CTBP2: variants seen among roughly 807,000 people sequenced by gnomAD.
CTBP2 encodes C-terminal-binding protein 2.
CTBP2 carries 30 observed loss-of-function variants against 80.3 expected under a neutral mutation model. That is an observed-to-expected ratio of 0.37 (90% confidence interval 0.28 to 0.51). The LOEUF is 0.51. Ranked by LOEUF, CTBP2 falls within the 20% of genes least tolerant of loss-of-function variation. The pLI is 0.93. For synonymous variants in CTBP2, 594 were observed against 587.4 expected (o/e 1.01, Z -0.16); for missense variants, 1,212 against 1,375.3 (o/e 0.88, Z 1.88).
intron 2 of CTBP2, chr10:125,088,278 T>G (rs1295666038): frequency 6.6e-6 from 1 of 152,188 alleles, no homozygotes; most frequent in Non-Finnish European, 1.5e-5. Context: ...ACCAGGATAG[T>G]GGAAGGAAGT....
At chr10:125,046,074 A>G (rs949368536) in intron 2 of CTBP2, among the ~76,000 whole-genome samples, 3 of 152,086 alleles carry the variant, frequency 2.0e-5, no homozygotes, top group Non-Finnish European at 4.4e-5. Flanking sequence ...GGGTTTAAAA[A>G]AAAAATACAT....
rs797010536 is a variant in CTBP2, at chr10:125,003,470, G to A, written c.1701C>T (p.Asn567=). 4.5e-6 allele frequency: 7 copies of A among 1,571,276 alleles called. No homozygotes were observed. Among genetic ancestry groups the A allele is most frequent in the South Asian group, 2.3e-5 (2 of 85,994 alleles). ...CCAGGGGGCGGGGGTGCAGGGGGCCGTTCATGATCTGGGGGCGGATACCTG... is the reference window on the plus strand; with the variant it reads ...CCAGGGGGCGGGGGTGCAGGGGGCCATTCATGATCTGGGGGCGGATACCTG... The change falls in exon 2 of 9, where the codon AAC becomes AAT. Residue 567 remains asparagine (N), a synonymous_variant. Coordinates refer to ENST00000309035, the MANE Select transcript of CTBP2 (RefSeq NM_022802.3).
At chr10:125,038,930 A>T (rs890710056) in intron 3 of CTBP2, 67 bp downstream of exon 3, 2 of 1,517,066 alleles carry the variant, frequency 1.3e-6, no homozygotes, top group African/African-American at 2.7e-5. Flanking sequence ...AACTCAAGGG[A>T]GCAGCCAGCG....
chr10:125,146,711 T>C (rs1858845048), intron 1 of CTBP2, among the ~76,000 whole-genome samples: 1 of 152,146 alleles, frequency 6.6e-6, no homozygotes, highest in African/African-American at 2.4e-5. Flanking sequence ...CCTTGCCATT[T>C]CACGCACATG....
intron 2 of CTBP2, among the ~76,000 whole-genome samples, chr10:125,083,851 G>A (rs1847561786): frequency 6.6e-6 from 1 of 152,170 alleles, no homozygotes; most frequent in Non-Finnish European, 1.5e-5. Context: ...TGCGATCTGG[G>A]CTCACTGCAA....
At chr10:125,046,619 C>T (rs1961328124) in intron 2 of CTBP2, among the ~76,000 whole-genome samples, 1 of 151,228 alleles carries the variant, frequency 6.6e-6, no homozygotes, top group South Asian at 2.1e-4. Context: ...TAACTCCCAC[C>T]AAAACATTCT....
Position 125,027,984 on chromosome 10 carries a change from T to G in CTBP2, c.-225A>C. The G allele has an allele frequency of 4.7e-6, 6 of 1,271,828 alleles. No individual in the cohort carries two copies. Among genetic ancestry groups the G allele is most frequent in the Non-Finnish European group, 5.1e-6 (5 of 980,730 alleles). 78.8% of individuals were successfully genotyped at this position (1,271,828 alleles called of 1,614,324 possible). ...GTAACTTTGCCTCACTCCCCAACGA[T>G]AGCCAGAGAGGTCTGTTCCTTACAG... On this transcript the variant is annotated 5_prime_UTR_variant, in exon 1 of 9. Transcript: ENST00000309035.
intron 3 of CTBP2, chr10:125,000,156 C>T (rs540930968): frequency 4.6e-5 from 7 of 152,390 alleles, no homozygotes; most frequent in East Asian, 1.9e-4. Context: ...AGTCCCAGGA[C>T]GGGGAGATGG....
chr10:125,093,996 C>T (rs368345191), intron 2 of CTBP2, among the ~76,000 whole-genome samples: 23 of 152,302 alleles, frequency 1.5e-4, no homozygotes, highest in African/African-American at 3.4e-4. Context: ...GACACTGCTG[C>T]TAGAATGTGC....
chr10:125,094,063 G>A (rs1210632139), intron 2 of CTBP2, among the ~76,000 whole-genome samples: 1 of 152,142 alleles, frequency 6.6e-6, no homozygotes, highest in African/African-American at 2.4e-5. Flanking sequence ...AGGACAGATG[G>A]GACTTTCCTA....
chr10:125,062,585 C>T (rs560452651), intron 2 of CTBP2, among the ~76,000 whole-genome samples: 208 of 152,216 alleles, frequency 1.4e-3, no homozygotes, highest in Non-Finnish European at 2.4e-3. Context: ...ACGGAGGGAC[C>T]GGGTGCGGTA....
At chr10:125,003,192 T>C (rs1223829336) in intron 2 of CTBP2, 88 bp from the exon 5 acceptor site, 15 of 1,595,676 alleles carry the variant, frequency 9.4e-6, no homozygotes, top group Non-Finnish European at 1.1e-5. Flanking sequence ...CTATCACCCT[T>C]GAACCTGAGG....
chr10:125,063,610 G>A (rs2135377571), intron 2 of CTBP2, among the ~76,000 whole-genome samples: 1 of 152,286 alleles, frequency 6.6e-6, no homozygotes, highest in Non-Finnish European at 1.5e-5. Flanking sequence ...ACATAAAATT[G>A]CTGATTCCTA....
intron 3 of CTBP2, among the ~76,000 whole-genome samples, chr10:125,037,844 A>C (rs1959045613): frequency 6.6e-6 from 1 of 152,152 alleles, no homozygotes; most frequent in African/African-American, 2.4e-5. Flanking sequence ...ATGGTTCTGG[A>C]AGAAAATCCA....
At chr10:125,075,909 G>A (rs958174987) in intron 2 of CTBP2, among the ~76,000 whole-genome samples, 2 of 152,128 alleles carry the variant, frequency 1.3e-5, no homozygotes, top group African/African-American at 2.4e-5. Context: ...TATCCCAATG[G>A]GCCAGCAATC....
At chr10:125,129,746 G>A (rs1423431876) in intron 1 of CTBP2, among the ~76,000 whole-genome samples, 3 of 152,214 alleles carry the variant, frequency 2.0e-5, no homozygotes, top group Non-Finnish European at 2.9e-5. Flanking sequence ...GGAAGGAGGA[G>A]CACAGAAACA....
chr10:125,047,734 A>G (rs1455616450), intron 2 of CTBP2, among the ~76,000 whole-genome samples: 1 of 152,366 alleles, frequency 6.6e-6, no homozygotes, highest in Admixed American at 6.5e-5. Flanking sequence ...TATAGTATAT[A>G]ATAAATTATT....
chr10:125,065,957 C>T (rs892135972), intron 2 of CTBP2, among the ~76,000 whole-genome samples: 1 of 151,906 alleles, frequency 6.6e-6, no homozygotes, highest in East Asian at 1.9e-4. Flanking sequence ...AAAAATTAGC[C>T]TGGCTTGGTG....
rs1029348297 is a variant in CTBP2 at position 124,985,712 on chromosome 10, A to G, written c.*3806T>C. ...ATATTTAGATATTTATTTGTTGGGA[A>G]GAATACCTTAAAATGAGGGTTCTTA... On this transcript the variant is annotated 3_prime_UTR_variant, in exon 9 of 9. Transcript: ENST00000309035. 1.3e-5 allele frequency: 2 copies of G among 152,562 alleles called. No individual in the cohort carries two copies. The highest frequency in any genetic ancestry group is 2.9e-5 in the Non-Finnish European group (2 of 68,052). 9.5% of individuals were successfully genotyped at this position (152,562 alleles called of 1,614,324 possible). A position where few individuals can be genotyped will look rare whatever the true frequency, so the allele number is the denominator to read the frequency against.
Sources: gnomAD v4.1 joint callset for allele counts (sites outside exome capture counted in the v4.1 genomes callset) on GRCh38, gnomAD v4.1.1 for gene constraint, MANE v1.5 for transcripts, NCBI Gene and HGNC (gene_info 2026-07-23, HGNC 2026-07-21) for gene names.